Variants in POU2F1 observed in about 807,000 individuals in gnomAD.
POU2F1 encodes the protein POU domain, class 2, transcription factor 1.
A neutral mutation model predicts 84.9 loss-of-function variants in POU2F1; 16 were observed. The ratio of observed to expected loss-of-function variants is 0.19; its 90% CI spans 0.13 to 0.29. The LOEUF is 0.29. Ranked by LOEUF, POU2F1 falls within the 10% of genes least tolerant of loss-of-function variation. The pLI is 1.00. For synonymous variants in POU2F1, 368 were observed against 368.3 expected, an observed-to-expected ratio of 1.00 and a Z score of 0.01; for missense variants, 738 against 942.6, an observed-to-expected ratio of 0.78 and a Z score of 2.84.
intron 8 of POU2F1, among the ~76,000 whole-genome samples, chr1:167,386,083 A>G (rs1302655000): frequency 1.3e-5 from 2 of 152,372 alleles, no homozygotes; most frequent in Middle Eastern, 3.4e-3. Flanking sequence ...TTAAAAGGCT[A>G]TGACAAAACC....
intron 13 of POU2F1, among the ~76,000 whole-genome samples, chr1:167,402,439 C>T (rs1649277766): frequency 6.6e-6 from 1 of 152,068 alleles, no homozygotes; most frequent in Non-Finnish European, 1.5e-5. Context: ...TAAATTTCTA[C>T]ATTATTAGAA....
Position 167,421,251 on chromosome 1 carries a change from AG to A in POU2F1, c.*5443del, listed in dbSNP as rs897830142. On this transcript the variant is annotated 3_prime_UTR_variant, in exon 16 of 16. Transcript: ENST00000367866. ...GAATAACTGAGATCAGCTATTATATAGGTTTGCATGGATGGTGTCCACAATA... is the reference window on the plus strand; with the variant it reads ...GAATAACTGAGATCAGCTATTATATAGTTTGCATGGATGGTGTCCACAATA... 1.3e-5 allele frequency: 2 copies of A among 152,236 alleles called. No homozygotes were observed. The highest frequency in any genetic ancestry group is 4.8e-5 in the African/African-American group (2 of 41,460). 9.4% of individuals were successfully genotyped at this position (152,236 alleles called of 1,614,324 possible). A position where few individuals can be genotyped will look rare whatever the true frequency, so the allele number is the denominator to read the frequency against.
chr1:167,267,925 G>C (rs1652096039), intron 1 of POU2F1, among the ~76,000 whole-genome samples: 1 of 152,080 alleles, frequency 6.6e-6, no homozygotes, highest in Admixed American at 6.5e-5. Context: ...ACAGGTGTGA[G>C]CCACCGTGCC....
At chr1:167,378,926 CTT>C (rs749278885) in intron 7 of POU2F1, among the ~76,000 whole-genome samples, 13 of 138,322 alleles carry the variant, frequency 9.4e-5, no homozygotes, top group Admixed American at 2.9e-4. Context: ...CTAATTTTGA[CTT>C]TTTTTTTTTT....
At chr1:167,253,383 C>T (rs1557847639) in intron 1 of POU2F1, among the ~76,000 whole-genome samples, 1 of 145,486 alleles carries the variant, frequency 6.9e-6, no homozygotes, top group Non-Finnish European at 1.5e-5. Flanking sequence ...TCTGCCCCCC[C>T]CCCCCCAAAC....
chr1:167,274,325 G>A (rs1030825602), intron 1 of POU2F1, among the ~76,000 whole-genome samples: 4 of 152,172 alleles, frequency 2.6e-5, no homozygotes, highest in African/African-American at 4.8e-5. Flanking sequence ...ATAGGCCTGA[G>A]TAGAGAATGA....
At chr1:167,281,921 T>G (rs1653170059) in intron 1 of POU2F1, among the ~76,000 whole-genome samples, 1 of 152,150 alleles carries the variant, frequency 6.6e-6, no homozygotes, top group South Asian at 2.1e-4. Flanking sequence ...CTACTCATAT[T>G]TTCCTGCTCA....
At chr1:167,407,807 A>C (rs911644486) in intron 13 of POU2F1, among the ~76,000 whole-genome samples, 1 of 152,230 alleles carries the variant, frequency 6.6e-6, no homozygotes, top group African/African-American at 2.4e-5. Flanking sequence ...GTTGCTAGTA[A>C]ATAAAGTAGG....
intron 1 of POU2F1, among the ~76,000 whole-genome samples, chr1:167,251,348 G>A (rs1411260432): frequency 6.6e-6 from 1 of 152,140 alleles, no homozygotes; most frequent in African/African-American, 2.4e-5. Flanking sequence ...GCAGTGAGCT[G>A]AGATCATGCC....
chr1:167,294,172 CAAAAAAAAAAAAA>C (rs60846607), intron 1 of POU2F1, among the ~76,000 whole-genome samples: 419 of 30,962 alleles, frequency 0.014, 3 homozygotes, highest in Middle Eastern at 0.071. Context: ...TACTAAAATA[CAAAAAAAAAAAAA>C]AAAAAAAAAA....
At chr1:167,270,736 T>C (rs1465875124) in intron 1 of POU2F1, among the ~76,000 whole-genome samples, 2 of 152,230 alleles carry the variant, frequency 1.3e-5, no homozygotes, top group African/African-American at 2.4e-5. Context: ...GTTACTGTTA[T>C]CCTGAATTTA....
chr1:167,269,725 C>T (rs1262692078), intron 1 of POU2F1, among the ~76,000 whole-genome samples: 2 of 152,056 alleles, frequency 1.3e-5, no homozygotes, highest in Non-Finnish European at 2.9e-5. Flanking sequence ...CCAGCCTGGC[C>T]AACATGGCGA....
intron 2 of POU2F1, among the ~76,000 whole-genome samples, chr1:167,364,392 T>TAGTGGCGGGCGC (rs1466652790): frequency 6.8e-6 from 1 of 147,694 alleles, no homozygotes; most frequent in Non-Finnish European, 1.5e-5. Context: ...TAGCCGGGCG[T>TAGTGGCGGGCGC]AGTGGCGGGC....
intron 6 of POU2F1, among the ~76,000 whole-genome samples, chr1:167,375,802 A>G (rs970153270): frequency 8.5e-5 from 13 of 152,376 alleles, no homozygotes; most frequent in African/African-American, 3.1e-4. Context: ...TAGGCTTATC[A>G]TAACAATATA....
At chr1:167,222,167 C>T (rs190361748) in intron 1 of POU2F1, among the ~76,000 whole-genome samples, 4 of 152,242 alleles carry the variant, frequency 2.6e-5, no homozygotes, top group African/African-American at 9.6e-5. Flanking sequence ...CCAGAATGGG[C>T]TGGCCTGACA....
chr1:167,249,768 C>G (rs1650588268), intron 1 of POU2F1, among the ~76,000 whole-genome samples: 1 of 152,158 alleles, frequency 6.6e-6, no homozygotes, highest in Non-Finnish European at 1.5e-5. Flanking sequence ...CTGAGTGATA[C>G]ATTTCAAGAT....
chr1:167,329,805 T>C lies in POU2F1; in HGVS notation c.62-2665T>C, dbSNP rs1656958936. Among the ~76,000 whole-genome samples, 3 of 152,362 alleles carry C rather than the reference T, an allele frequency of 2.0e-5. No individual in the cohort carries two copies. The South Asian group carries it at 6.2e-4, about 32-fold the overall frequency. On this transcript the variant is annotated intron_variant, in intron 1 of 15. Coordinates refer to ENST00000367866, the MANE Select transcript of POU2F1 (RefSeq NM_002697.4). ...TAAAGAGGGTAATTGTACTGGTTGC[T>C]GCAACAGATCTGTTGATCGATTTCC... is the stretch of plus-strand genomic sequence containing the variant.
chr1:167,412,994 G>GT, intron 14 of POU2F1, 32 bp from the exon 15 acceptor site: 1 of 1,569,434 alleles, frequency 6.4e-7, no homozygotes, highest in Non-Finnish European at 8.8e-7. Context: ...CGTCTGCATG[G>GT]TAATAAAGTG....
chr1:167,308,363 A>T (rs1329155832), intron 1 of POU2F1, among the ~76,000 whole-genome samples: 3 of 150,664 alleles, frequency 2.0e-5, no homozygotes, highest in African/African-American at 7.3e-5. Flanking sequence ...CACCACGCCC[A>T]GCCTGTTTCT....
Sources: allele counts gnomAD v4.1 joint callset (sites outside exome capture counted in the v4.1 genomes callset), GRCh38; gene constraint gnomAD v4.1.1; transcripts MANE v1.5; gene names NCBI Gene and HGNC (gene_info 2026-07-23, HGNC 2026-07-21).